Variants in CLEC4G observed in about 807,000 individuals in gnomAD.
CLEC4G encodes the protein C-type lectin superfamily 4, member G.
A neutral mutation model predicts 37.0 loss-of-function variants in CLEC4G; 34 were observed. The observed-to-expected ratio is 0.92, with a 90% confidence interval of 0.70 to 1.22. CLEC4G has a LOEUF of 1.22. Ranked by LOEUF, CLEC4G falls within the 50% of genes most tolerant of loss-of-function variation. CLEC4G has a pLI of 0.00. For synonymous variants in CLEC4G, 167 were observed against 165.6 expected, an observed-to-expected ratio of 1.01 and a Z score of -0.06; for missense variants, 390 against 392.9, an observed-to-expected ratio of 0.99 and a Z score of 0.06.
chr19:7,729,339 G>A lies in CLEC4G; in HGVS notation c.*27C>T. ...CCCCAGGATACGACATGCTGCAATG[G>A]GCGCGGCTCCAGGGCACTGGGCGGG... On this transcript the variant is annotated 3_prime_UTR_variant, in exon 9 of 9. Transcript: ENST00000328853. 2.0e-6 allele frequency: 3 copies of A among 1,532,900 alleles called. No homozygotes were observed. The highest frequency in any genetic ancestry group is 2.7e-6 in the Non-Finnish European group (3 of 1,109,410). 95.0% of individuals were successfully genotyped at this position (1,532,900 alleles called of 1,614,324 possible).
rs1188130366 is a variant in CLEC4G, at chr19:7,730,893, C to G, written c.284-34G>C. 6.6e-7 allele frequency: 1 copy of G among 1,524,414 alleles called. No individual in the cohort carries two copies. Among genetic ancestry groups the G allele is most frequent in the Admixed American group, 2.0e-5 (1 of 50,278 alleles). The allele number at this position is 1,524,414 out of a possible 1,614,324, so 94.4% of individuals were successfully genotyped here. Reference sequence around the variant, plus strand: ...CGCAGGGTGAGAGGGGCGAGGGCGGCGAGGATGGGGCGGGACTTCGGAGAC... The same window carrying G: ...CGCAGGGTGAGAGGGGCGAGGGCGGGGAGGATGGGGCGGGACTTCGGAGAC... On this transcript the variant is annotated intron_variant, in intron 4 of 8. Transcript: ENST00000328853. This position sits in a 1 kb window ranked among gnomAD's most constrained non-coding sequence, Gnocchi z 7.3.
chr19:7,731,858 G>A, intron 1 of CLEC4G, 87 bp from the exon 2 acceptor site: 1 of 1,541,216 alleles, frequency 6.5e-7, no homozygotes, highest in Non-Finnish European at 8.7e-7. Context: ...ATTCAGAGAA[G>A]TTAAGTAACT....
rs779741588 is a variant in CLEC4G at position 7,730,373 on chromosome 19, C to A, written c.456G>T (p.Leu152=). 3 of 1,603,186 alleles carry A rather than the reference C, an allele frequency of 1.9e-6. No individual in the cohort carries two copies. The African/African-American group carries it at 4.0e-5, about 21-fold the overall frequency. Residue 152 remains leucine (L), a synonymous_variant, in exon 6 of 9, where the codon CTG becomes CTT. Coordinates refer to ENST00000328853, the MANE Select transcript of CLEC4G (RefSeq NM_198492.4). The surrounding 1 kb of genome is among the most constrained non-coding windows in gnomAD (Gnocchi z 7.3). ...CACTGTTCTGGAGCCTCACGGCCTC[C>A]AGCGCCCGGAACAGCTCAGTGCGGA... ...EDVRTELFRA[L]EAVRLQNNSC...
chr19:7,730,321 A>T lies in CLEC4G; in HGVS notation c.478+30T>A. 1 of 1,435,430 alleles carries T rather than the reference A, an allele frequency of 7.0e-7. No individual in the cohort carries two copies. The highest frequency in any genetic ancestry group is 1.2e-5 in the South Asian group (1 of 85,654). The allele number at this position is 1,435,430 out of a possible 1,614,324, so 88.9% of individuals were successfully genotyped here. A position where few individuals can be genotyped will look rare whatever the true frequency, so the allele number is the denominator to read the frequency against. Reference sequence around the variant, plus strand: ...TGACAGGGTCCGCTTACGCCCTCACAGCCCGCCCCCGACCCCCCGTCTCGC... The same window carrying T: ...TGACAGGGTCCGCTTACGCCCTCACTGCCCGCCCCCGACCCCCCGTCTCGC... On this transcript the variant is annotated intron_variant, in intron 6 of 8. Coordinates refer to ENST00000328853, the MANE Select transcript of CLEC4G (RefSeq NM_198492.4). The surrounding 1 kb of genome is among the most constrained non-coding windows in gnomAD (Gnocchi z 7.3).
chr19:7,731,347 G>A, intron 2 of CLEC4G, 28 bp from the exon 3 acceptor site: 4 of 1,554,772 alleles, frequency 2.6e-6, no homozygotes, highest in East Asian at 2.4e-5. Context: ...TGCAGGCGAG[G>A]CCGGGAACTC....
rs540693497 is a variant in CLEC4G, at chr19:7,729,262, G to C, written c.*104C>G. ...TCTGAGACTCAGCAGCGGTGGATGAGGAAGAAAAAACTCTTTGGCAATCAG... is the reference window on the plus strand; with the variant it reads ...TCTGAGACTCAGCAGCGGTGGATGACGAAGAAAAAACTCTTTGGCAATCAG... On this transcript the variant is annotated 3_prime_UTR_variant, in exon 9 of 9. Transcript: ENST00000328853. 20 of 803,166 alleles carry C rather than the reference G, an allele frequency of 2.5e-5. 1 individual carries two copies. Among genetic ancestry groups the C allele is most frequent in the African/African-American group, 2.3e-4 (14 of 59,882 alleles). The allele number at this position is 803,166 out of a possible 1,614,324, so 49.8% of individuals were successfully genotyped here. A position where few individuals can be genotyped will look rare whatever the true frequency, so the allele number is the denominator to read the frequency against.
rs1406274848 is a variant in CLEC4G, at chr19:7,730,171, CG to C, written c.479-5del. ...GTGGGGCACGGCTCGCAGGAGTCTG[CG>C]GGGTGGCGAGGGTCAGAGAGGTCGC... On this transcript the variant is annotated splice_polypyrimidine_tract_variant and splice_region_variant and intron_variant, in intron 6 of 8. Coordinates refer to ENST00000328853, the MANE Select transcript of CLEC4G (RefSeq NM_198492.4). The surrounding 1 kb of genome is among the most constrained non-coding windows in gnomAD (Gnocchi z 7.3). 1.9e-6 allele frequency: 3 copies of C among 1,610,892 alleles called. No homozygotes were observed. In the South Asian group the frequency reaches 3.3e-5, roughly 18 times the overall value.
Position 7,731,746 on chromosome 19 carries a change from C to G in CLEC4G, c.81G>C (p.Trp27Cys). The G allele has an allele frequency of 6.2e-7, 1 of 1,614,000 alleles. No homozygotes were observed. Among genetic ancestry groups the G allele is most frequent in the Non-Finnish European group, 8.5e-7 (1 of 1,179,980 alleles). The change falls in exon 2 of 9, where the codon TGG becomes TGC. Residue 27 changes from tryptophan (W) to cysteine (C), a missense_variant. Coordinates refer to ENST00000328853, the MANE Select transcript of CLEC4G (RefSeq NM_198492.4). ...PGGPWGRWVH[W>C]SRRPLFLALA... ...GGGCCAAGAAGAGGGGTCTCCTGCT[C>G]CAGTGCACCCAGCGTCCCCAGGGCC...
intron 7 of CLEC4G, 30 bp downstream of exon 7, chr19:7,729,989 C>T (rs757283246): frequency 3.7e-6 from 6 of 1,601,914 alleles, no homozygotes; most frequent in South Asian, 2.2e-5. Context: ...CCTGCCCCAC[C>T]GCCTGACCAC....
intron 8 of CLEC4G, 41 bp from the exon 9 acceptor site, chr19:7,729,545 C>T: frequency 1.3e-6 from 2 of 1,501,316 alleles, no homozygotes; most frequent in Non-Finnish European, 1.8e-6. Context: ...GGAATCTAGA[C>T]AGAGGATGAA....
At chr19:7,729,569 CT>C in intron 8 of CLEC4G, 65 bp from the exon 9 acceptor site, 1 of 1,347,922 alleles carries the variant, frequency 7.4e-7, no homozygotes, top group Non-Finnish European at 1.0e-6. Context: ...GGGGTCCCGC[CT>C]TCCTCTTCAG....
chr19:7,730,016 C>T lies in CLEC4G; in HGVS notation c.627+3G>A. On this transcript the variant is annotated splice_donor_region_variant and intron_variant, in intron 7 of 8. Transcript: ENST00000328853. The surrounding 1 kb of genome is among the most constrained non-coding windows in gnomAD (Gnocchi z 7.3). ...CCTGACCACGCCCCCTCCCCCTGCG[C>T]ACCTGCTCATCCAGGCCCCCAACGA... The T allele has an allele frequency of 6.9e-6, 11 of 1,596,454 alleles. No homozygotes were observed. The highest frequency in any genetic ancestry group is 9.4e-6 in the Non-Finnish European group (11 of 1,173,234).
intron 7 of CLEC4G, 21 bp downstream of exon 7, chr19:7,729,998 A>T: frequency 6.3e-7 from 1 of 1,598,146 alleles, no homozygotes; most frequent in South Asian, 1.1e-5. Context: ...CCGCCTGACC[A>T]CGCCCCCTCC....
In CLEC4G at chr19:7,732,034, C is replaced by T; in HGVS notation, c.55+14G>A. 6.3e-7 allele frequency: 1 copy of T among 1,591,564 alleles called. No homozygotes were observed. ...GACACTGGGGCAGGGATGGGGCAGTCTCCTTGCTCATACCTCCGGGGACCT... is the reference window on the plus strand; with the variant it reads ...GACACTGGGGCAGGGATGGGGCAGTTTCCTTGCTCATACCTCCGGGGACCT... On this transcript the variant is annotated intron_variant, in intron 1 of 8. Coordinates refer to ENST00000328853, the MANE Select transcript of CLEC4G (RefSeq NM_198492.4).
rs1303907765 is a variant in CLEC4G, at chr19:7,729,213, C to T, written c.*153G>A. Reference sequence around the variant, plus strand: ...CCCAGAGCCCAGGCACTGGGCTGGACAGGGCTATGTTGGGCCAAGTGTTTC... The same window carrying T: ...CCCAGAGCCCAGGCACTGGGCTGGATAGGGCTATGTTGGGCCAAGTGTTTC... On this transcript the variant is annotated 3_prime_UTR_variant, in exon 9 of 9. Transcript: ENST00000328853. 1.4e-6 allele frequency: 1 copy of T among 707,932 alleles called. No homozygotes were observed. Among genetic ancestry groups the T allele is most frequent in the Non-Finnish European group, 2.6e-6 (1 of 389,044 alleles). The allele number at this position is 707,932 out of a possible 1,614,324, so 43.9% of individuals were successfully genotyped here.
In CLEC4G at chr19:7,730,666, TGATCGGGGTCGGGGGTCAGCACTCA is replaced by T; in HGVS notation, c.388+64_388+88del. 1 of 1,464,312 alleles carries T rather than the reference TGATCGGGGTCGGGGGTCAGCACTCA, an allele frequency of 6.8e-7. No individual in the cohort carries two copies. Among genetic ancestry groups the T allele is most frequent in the South Asian group, 1.4e-5 (1 of 73,948 alleles). The allele number at this position is 1,464,312 out of a possible 1,614,324, so 90.7% of individuals were successfully genotyped here. On this transcript the variant is annotated intron_variant, in intron 5 of 8. Coordinates refer to ENST00000328853, the MANE Select transcript of CLEC4G (RefSeq NM_198492.4). The surrounding 1 kb of genome is among the most constrained non-coding windows in gnomAD (Gnocchi z 7.3). ...AGCGTCAGGGTCAGGACGGGGTGCA[TGATCGGGGTCGGGGGTCAGCACTCA>T]GGACGGGGTCGGGGTCGGGGGACGC...
chr19:7,730,517 C>A lies in CLEC4G; in HGVS notation c.389-77G>T. On this transcript the variant is annotated intron_variant, in intron 5 of 8. Coordinates refer to ENST00000328853, the MANE Select transcript of CLEC4G (RefSeq NM_198492.4). This position sits in a 1 kb window ranked among gnomAD's most constrained non-coding sequence, Gnocchi z 7.3. ...GGTCATGACTAGCTAAAGGTCAGGACCCCTGTCTGTGGTCATTGTACCCTC... is the reference window on the plus strand; with the variant it reads ...GGTCATGACTAGCTAAAGGTCAGGAACCCTGTCTGTGGTCATTGTACCCTC... The A allele has an allele frequency of 6.4e-7, 1 of 1,551,568 alleles. No homozygotes were observed. Among genetic ancestry groups the A allele is most frequent in the South Asian group, 1.2e-5 (1 of 84,546 alleles).
At chr19:7,731,971 T>A in intron 1 of CLEC4G, 77 bp downstream of exon 1, 1 of 1,459,602 alleles carries the variant, frequency 6.9e-7, no homozygotes, top group Non-Finnish European at 9.6e-7. Flanking sequence ...AACCCTGGCC[T>A]GTCTCGACTC....
chr19:7,729,255 T>A lies in CLEC4G; in HGVS notation c.*111A>T. 1.3e-6 allele frequency: 1 copy of A among 775,058 alleles called. No homozygotes were observed. The highest frequency in any genetic ancestry group is 2.3e-6 in the Non-Finnish European group (1 of 435,334). 48.0% of individuals were successfully genotyped at this position (775,058 alleles called of 1,614,324 possible). A position where few individuals can be genotyped will look rare whatever the true frequency, so the allele number is the denominator to read the frequency against. On this transcript the variant is annotated 3_prime_UTR_variant, in exon 9 of 9. Transcript: ENST00000328853. ...AAGTGTTTCTGAGACTCAGCAGCGGTGGATGAGGAAGAAAAAACTCTTTGG... is the reference window on the plus strand; with the variant it reads ...AAGTGTTTCTGAGACTCAGCAGCGGAGGATGAGGAAGAAAAAACTCTTTGG...
Sources: gnomAD v4.1 joint callset for allele counts on GRCh38, gnomAD v4.1.1 for gene constraint, Gnocchi (gnomAD v3.1) non-coding constraint, MANE v1.5 for transcripts, NCBI Gene and HGNC (gene_info 2026-07-23, HGNC 2026-07-21) for gene names.